The following SENP2 variants were observed in gnomAD, a reference collection of about 807,000 sequenced individuals.
SENP2 encodes sentrin-specific protease 2.
Under a neutral mutation model 86.3 loss-of-function variants are expected in SENP2, and 16 were observed. The ratio of observed to expected loss-of-function variants is 0.19; its 90% confidence interval spans 0.13 to 0.28. SENP2 has a LOEUF of 0.28. Among genes scored for constraint, SENP2 ranks in the 10% least tolerant of loss-of-function variants. The pLI, the probability that SENP2 is intolerant of heterozygous loss-of-function variation, is 1.00. For synonymous variants in SENP2, 222 were observed against 238.7 expected (o/e 0.93, Z 0.64); for missense variants, 552 against 703.0 (o/e 0.79, Z 2.43).
intron 11 of SENP2, among the ~76,000 whole-genome samples, chr3:185,615,329 A>G (rs1577735850): frequency 6.6e-6 from 1 of 152,160 alleles, no homozygotes; most frequent in East Asian, 1.9e-4. Flanking sequence ...GGGAAGCAGC[A>G]TATATTTAGA....
At chr3:185,594,620 CTT>C (rs11317593) in intron 2 of SENP2, among the ~76,000 whole-genome samples, 12,191 of 137,306 alleles carry the variant, frequency 0.089, 797 homozygotes, top group South Asian at 0.35. Flanking sequence ...GGCTCATGAT[CTT>C]TTTTTTTTTT....
chr3:185,618,535 G>A (rs910174211), intron 12 of SENP2, among the ~76,000 whole-genome samples: 1 of 152,068 alleles, frequency 6.6e-6, no homozygotes, highest in African/African-American at 2.4e-5. Context: ...TTTGTTTATC[G>A]TAGAATATTT....
Position 185,624,072 on chromosome 3 carries a change from T to A in SENP2, c.1601T>A (p.Met534Lys), listed in dbSNP as rs1222703055. Residue 534 changes from methionine (M) to lysine (K), a missense_variant, in exon 15 of 17, where the codon ATG becomes AAG. Transcript: ENST00000296257. ...CTTTTAGAGTGGACCCATCACAGCA[T>A]GAAACCACACGTGAGTGACGATCAT... The part of the protein sequence containing the change: ...LNLLEWTHHS[M>K]KPHEIPQQLN... The A allele has an allele frequency of 6.2e-7, 1 of 1,609,136 alleles. No homozygotes were observed. The highest frequency in any genetic ancestry group is 2.2e-5 in the East Asian group (1 of 44,714).
chr3:185,622,548 A>G (rs1711936554), intron 14 of SENP2, among the ~76,000 whole-genome samples: 1 of 152,136 alleles, frequency 6.6e-6, no homozygotes, highest in Admixed American at 6.6e-5. Context: ...TTAGTATAAA[A>G]TATTATTTTT....
At chr3:185,590,901 CTTTTTT>C (rs1158491597) in intron 2 of SENP2, among the ~76,000 whole-genome samples, 33 of 94,158 alleles carry the variant, frequency 3.5e-4, no homozygotes, top group African/African-American at 1.4e-3. Context: ...AGAAAGTCTC[CTTTTTT>C]TTTTTTTTTT....
chr3:185,619,130 A>T (rs1479660004), intron 12 of SENP2, among the ~76,000 whole-genome samples, 169 bp from the exon 13 acceptor site: 1 of 152,066 alleles, frequency 6.6e-6, no homozygotes, highest in Non-Finnish European at 1.5e-5. Context: ...TTTCATTTTC[A>T]TGTGTCCCAT....
chr3:185,626,691 T>G (rs1248591408), intron 16 of SENP2, among the ~76,000 whole-genome samples: 1 of 152,028 alleles, frequency 6.6e-6, no homozygotes, highest in Non-Finnish European at 1.5e-5. Flanking sequence ...GAGAATCACT[T>G]GAACCCAGGA....
chr3:185,593,974 C>T (rs755947141), intron 2 of SENP2, among the ~76,000 whole-genome samples: 13 of 151,936 alleles, frequency 8.6e-5, no homozygotes, highest in African/African-American at 1.2e-4. Flanking sequence ...AGTGATCGCC[C>T]GCCTCGGCTT....
In SENP2 at chr3:185,615,073, AT is replaced by A. The variant is rs886556116; in HGVS notation, c.1110+343del. On this transcript the variant is annotated intron_variant, in intron 11 of 16. Coordinates refer to ENST00000296257, the MANE Select transcript of SENP2 (RefSeq NM_021627.3). ...TTGGCATTAAGAATAAGTTCATTGC[AT>A]TTTTTTTTTGAAAGTTATTATAGTT... is the stretch of plus-strand genomic sequence containing the variant. Among the ~76,000 whole-genome samples, 1,441 of 149,914 alleles carry A rather than the reference AT, an allele frequency of 9.6e-3. 29 individuals carry two copies. The highest frequency in any genetic ancestry group is 0.033 in the African/African-American group (1,342 of 40,896).
intron 5 of SENP2, among the ~76,000 whole-genome samples, chr3:185,603,154 C>G (rs1356826894): frequency 6.6e-6 from 1 of 151,924 alleles, no homozygotes; most frequent in Admixed American, 6.6e-5. Flanking sequence ...TCAGGTGATC[C>G]AACCGCCTCG....
At chr3:185,616,054 G>A (rs868853286) in intron 11 of SENP2, among the ~76,000 whole-genome samples, 2 of 151,400 alleles carry the variant, frequency 1.3e-5, no homozygotes, top group Non-Finnish European at 2.9e-5. Context: ...GTAGAGATGG[G>A]GTTTCACCAT....
chr3:185,592,540 G>C (rs1722040983), intron 2 of SENP2, among the ~76,000 whole-genome samples: 1 of 151,968 alleles, frequency 6.6e-6, no homozygotes, highest in South Asian at 2.1e-4. Context: ...AATTCAGTGA[G>C]TACTTATTGA....
chr3:185,615,802 T>C (rs1224684018), intron 11 of SENP2, among the ~76,000 whole-genome samples: 2 of 152,182 alleles, frequency 1.3e-5, no homozygotes, highest in Non-Finnish European at 2.9e-5. Flanking sequence ...GTTTGCTTAT[T>C]CTCTTCATGT....
rs1560205498 is a variant in SENP2 at position 185,631,484 on chromosome 3, T to TCCCCCCCCC, written c.*1643_*1644insCCCCCCCCC. ...CCCCTCCCCCTCCCTCCCTCCCCCC[T>TCCCCCCCCC]CCCTCCCTCCCCCCCCTCCCCCTCC... On this transcript the variant is annotated 3_prime_UTR_variant, in exon 17 of 17. Coordinates refer to ENST00000296257, the MANE Select transcript of SENP2 (RefSeq NM_021627.3). The TCCCCCCCCC allele has an allele frequency of 3.9e-3, 1 of 256 alleles. No homozygotes were observed. Among genetic ancestry groups the TCCCCCCCCC allele is most frequent in the African/African-American group, 0.025 (1 of 40 alleles). 0.0% of individuals were successfully genotyped at this position (256 alleles called of 1,614,324 possible). A position where few individuals can be genotyped will look rare whatever the true frequency, so the allele number is the denominator to read the frequency against.
rs1712516761 is a variant in SENP2, at chr3:185,632,248, T to TTTTTGTTTG, written c.*2408_*2409insGTTTGTTTT. The TTTTTGTTTG allele has an allele frequency of 7.1e-6, 1 of 140,100 alleles. No individual in the cohort carries two copies. 8.7% of individuals were successfully genotyped at this position (140,100 alleles called of 1,614,324 possible). A position where few individuals can be genotyped will look rare whatever the true frequency, so the allele number is the denominator to read the frequency against. The stretch of plus-strand genomic sequence containing the variant: ...TGTTTTTTTTTTTTGTTTTTTTTTT[T>TTTTTGTTTG]TTTTTTTGCGACAGAGTCTCTTGTC... On this transcript the variant is annotated 3_prime_UTR_variant, in exon 17 of 17. Transcript: ENST00000296257.
intron 6 of SENP2, 145 bp from the exon 7 acceptor site, chr3:185,609,102 A>T (rs560156917): frequency 1.5e-4 from 89 of 576,282 alleles, no homozygotes; most frequent in Middle Eastern, 4.5e-4. Context: ...GATTATTTTT[A>T]AAAAATGTAT....
At chr3:185,591,930 C>G (rs1577716864) in intron 2 of SENP2, among the ~76,000 whole-genome samples, 1 of 146,370 alleles carries the variant, frequency 6.8e-6, no homozygotes, top group East Asian at 2.1e-4. Flanking sequence ...GAAACAGGGT[C>G]TTGCCACATT....
rs528967051 is a variant in SENP2 at position 185,591,459 on chromosome 3, C to G, written c.157+1290C>G. Among the ~76,000 whole-genome samples, 163 of 152,108 alleles carry G rather than the reference C, an allele frequency of 1.1e-3. 1 individual carries two copies. The highest frequency in any genetic ancestry group is 3.8e-3 in the African/African-American group (157 of 41,514). On this transcript the variant is annotated intron_variant, in intron 2 of 16. Coordinates refer to ENST00000296257, the MANE Select transcript of SENP2 (RefSeq NM_021627.3). ...CTCCACCTCCCGGGTTCACACCATT[C>G]TCCTGCCTCAGCCTCCTGAGTAGCT...
intron 5 of SENP2, among the ~76,000 whole-genome samples, chr3:185,601,479 G>A (rs531362189): frequency 2.0e-5 from 3 of 152,156 alleles, no homozygotes; most frequent in South Asian, 2.1e-4. Flanking sequence ...ATAAGTGTAC[G>A]TGGCCTGGTT....
Sources: allele counts gnomAD v4.1 joint callset (sites outside exome capture counted in the v4.1 genomes callset), GRCh38; gene constraint gnomAD v4.1.1; transcripts MANE v1.5; gene names NCBI Gene and HGNC (gene_info 2026-07-23, HGNC 2026-07-21).